The following HERC3 variants were observed in gnomAD, a reference collection of about 807,000 sequenced individuals.
HERC3 encodes HECT and RLD domain containing E3 ubiquitin protein ligase 3, also known as probable E3 ubiquitin-protein ligase HERC3.
Under a neutral mutation model 129.9 loss-of-function variants are expected in HERC3, and 58 were observed. The observed-to-expected ratio is 0.45, with a 90% CI of 0.36 to 0.56. The LOEUF (loss-of-function observed/expected upper bound fraction) is 0.56. HERC3 is among the 20% of genes least tolerant of loss of function. The pLI, the probability that HERC3 is intolerant of heterozygous loss-of-function variation, is 0.00. For missense variants in HERC3, 835 were observed against 1,244.2 expected, an observed-to-expected ratio of 0.67 and a Z score of 4.95; for synonymous variants, 430 against 451.0, an observed-to-expected ratio of 0.95 and a Z score of 0.59.
chr4:88,672,664 C>T (rs988887144), intron 16 of HERC3, among the ~76,000 whole-genome samples: 1 of 152,174 alleles, frequency 6.6e-6, no homozygotes, highest in Non-Finnish European at 1.5e-5. Context: ...CAGTTCCTTA[C>T]TCTGGTCTAA....
intron 14 of HERC3, 67 bp from the exon 15 acceptor site, chr4:88,669,793 C>A: frequency 2.2e-6 from 3 of 1,346,266 alleles, no homozygotes; most frequent in South Asian, 1.3e-5. Context: ...TTTTAACTGG[C>A]AGGCAGAAGA....
intron 8 of HERC3, 81 bp downstream of exon 8, chr4:88,655,385 A>T: frequency 1.4e-6 from 2 of 1,475,538 alleles, no homozygotes; most frequent in South Asian, 2.4e-5. Flanking sequence ...GAATGTGATT[A>T]TACCTAGTCA....
intron 3 of HERC3, among the ~76,000 whole-genome samples, chr4:88,606,884 T>A (rs111290153): frequency 3.5e-4 from 53 of 152,212 alleles, no homozygotes; most frequent in Non-Finnish European, 6.2e-4. Flanking sequence ...CTGAGAAATA[T>A]GACAGTTTTT....
At chr4:88,530,667 C>T in the HERC3 span, among the ~76,000 whole-genome samples, 1 of 152,136 alleles carries the variant, frequency 6.6e-6, no homozygotes, top group Non-Finnish European at 1.5e-5. Flanking sequence ...TACTATACTA[C>T]AGCTCAGGTA....
chr4:88,649,827 T>C lies in HERC3; in HGVS notation c.227-13T>C. 6.2e-7 allele frequency: 1 copy of C among 1,610,488 alleles called. No individual in the cohort carries two copies. The highest frequency in any genetic ancestry group is 8.5e-7 in the Non-Finnish European group (1 of 1,177,120). ...GGGTTGTACATTTTCCTCCTCCAAT[T>C]TGTCTCTTTCAGAACAAATTGGAGC... On this transcript the variant is annotated splice_polypyrimidine_tract_variant and intron_variant, in intron 3 of 25. Transcript: ENST00000402738.
intron 23 of HERC3, among the ~76,000 whole-genome samples, chr4:88,702,942 C>G (rs1735453768): frequency 6.6e-6 from 1 of 152,180 alleles, no homozygotes; most frequent in Non-Finnish European, 1.5e-5. Context: ...TCTGCAGCAA[C>G]CTGCCCGGGA....
At chr4:88,540,735 A>G in the HERC3 span, among the ~76,000 whole-genome samples, 1 of 152,262 alleles carries the variant, frequency 6.6e-6, no homozygotes, top group Non-Finnish European at 1.5e-5. Flanking sequence ...CATCAGACTA[A>G]CAGCAGATCT....
chr4:88,640,794 C>T lies in HERC3; in HGVS notation c.227-9046C>T, dbSNP rs1325017493. The stretch of plus-strand genomic sequence containing the variant: ...CATAGGAATCCCAAATGTGTGTATA[C>T]CTAACAACTGAGCTTCAAAATACTT... On this transcript the variant is annotated intron_variant, in intron 3 of 25. Transcript: ENST00000402738. Among the ~76,000 whole-genome samples the T allele has an allele frequency of 3.9e-5, 6 of 152,008 alleles. No homozygotes were observed. In the East Asian group the frequency reaches 7.7e-4, roughly 19 times the overall value.
the HERC3 span, among the ~76,000 whole-genome samples, chr4:88,553,989 T>C: frequency 3.4e-3 from 513 of 152,286 alleles, no homozygotes; most frequent in African/African-American, 0.012. Flanking sequence ...TGGTGCTTAA[T>C]AAATTCTTCA....
intron 23 of HERC3, chr4:88,697,013 A>C: frequency 2.0e-6 from 1 of 507,036 alleles, no homozygotes; most frequent in Non-Finnish European, 3.4e-6. Flanking sequence ...TTATGTTCAA[A>C]ATGAAAGTCA....
intron 2 of HERC3, among the ~76,000 whole-genome samples, chr4:88,604,659 C>T (rs1234476174): frequency 1.3e-5 from 2 of 152,162 alleles, no homozygotes; most frequent in African/African-American, 4.8e-5. Flanking sequence ...TTTATTTAAC[C>T]ATTCATCAGT....
chr4:88,687,483 A>AGATTC (rs1733603653), intron 23 of HERC3, among the ~76,000 whole-genome samples, 184 bp downstream of exon 23: 1 of 152,240 alleles, frequency 6.6e-6, no homozygotes, highest in Admixed American at 6.5e-5. Flanking sequence ...CACCCGGCCT[A>AGATTC]GATTCAGGAG....
chr4:88,610,651 C>G (rs1173028258), intron 3 of HERC3, among the ~76,000 whole-genome samples: 2 of 152,164 alleles, frequency 1.3e-5, no homozygotes, highest in African/African-American at 4.8e-5. Context: ...GGCAGCCTCA[C>G]TGCAGAGTCA....
intron 19 of HERC3, among the ~76,000 whole-genome samples, chr4:88,678,757 T>C (rs968088569): frequency 3.3e-5 from 5 of 152,236 alleles, no homozygotes; most frequent in Non-Finnish European, 5.9e-5. Flanking sequence ...AATCTTGTTA[T>C]GAGTTCCACT....
chr4:88,654,169 G>T, intron 7 of HERC3, 36 bp downstream of exon 7: 1 of 1,395,532 alleles, frequency 7.2e-7, no homozygotes, highest in Non-Finnish European at 1.0e-6. Flanking sequence ...TGGTGCTGGG[G>T]ATATGATGGG....
At chr4:88,528,160 T>C in the HERC3 span, 1 of 215,240 alleles carries the variant, frequency 4.6e-6, no homozygotes, top group Non-Finnish European at 9.6e-6. Context: ...AGTCAGGCCC[T>C]GGGGGTGTGA....
At chr4:88,589,635 T>C (rs1484585898), upstream of HERC3, among the ~76,000 whole-genome samples, 1 of 152,088 alleles carries the variant, frequency 6.6e-6, no homozygotes, top group Admixed American at 6.5e-5. Context: ...GCTATAGAAA[T>C]GGAAGGAAAA....
At chr4:88,621,109 C>T (rs1725464969) in intron 3 of HERC3, among the ~76,000 whole-genome samples, 1 of 152,062 alleles carries the variant, frequency 6.6e-6, no homozygotes, top group African/African-American at 2.4e-5. Flanking sequence ...GTGCAGCTTT[C>T]AGCAAGTTTT....
chr4:88,538,528 C>G, the HERC3 span, among the ~76,000 whole-genome samples: 1 of 149,028 alleles, frequency 6.7e-6, no homozygotes, highest in African/African-American at 2.5e-5. Context: ...CTGTACATGT[C>G]TGTGTCCCAA....
Sources: allele counts gnomAD v4.1 joint callset (sites outside exome capture counted in the v4.1 genomes callset), GRCh38; gene constraint gnomAD v4.1.1; transcripts MANE v1.5; gene names NCBI Gene and HGNC (gene_info 2026-07-23, HGNC 2026-07-21).